CST3: variants seen among roughly 807,000 people sequenced by gnomAD.
CST3 encodes cystatin C, also known as cystatin-C.
CST3 carries 14 observed loss-of-function variants against 9.0 expected under a neutral mutation model. That is an observed-to-expected ratio of 1.56 (90% CI 1.03 to 2.44). The LOEUF (loss-of-function observed/expected upper bound fraction) is 2.44. Among genes scored for constraint, CST3 ranks in the 30% most tolerant of loss-of-function variants. CST3 has a pLI of 0.00. For synonymous variants in CST3, 96 were observed against 90.2 expected (o/e 1.06, Z -0.37); for missense variants, 237 against 204.3 (o/e 1.16, Z -0.98).
At position 23,633,861 on chromosome 20, in the gene CST3, G is replaced by C. The variant is rs555367302; in HGVS notation, c.*55C>G. On this transcript the variant is annotated 3_prime_UTR_variant, in exon 3 of 3. Transcript: ENST00000376925. ...CACCAGTCCAGGGGTGGGAATACAG[G>C]GGGTGGGAGGTGTGCATAAGAGGTG... is the stretch of plus-strand genomic sequence containing the variant. 1.6e-5 allele frequency: 23 copies of C among 1,443,910 alleles called. No homozygotes were observed. Among genetic ancestry groups the C allele is most frequent in the African/African-American group, 9.8e-5 (7 of 71,424 alleles). 89.4% of individuals were successfully genotyped at this position (1,443,910 alleles called of 1,614,324 possible).
chr20:23,636,022 G>A (rs575583309), intron 1 of CST3, among the ~76,000 whole-genome samples: 1 of 152,270 alleles, frequency 6.6e-6, no homozygotes, highest in East Asian at 1.9e-4. Context: ...ACCTTGCCCT[G>A]TGGAACCACA....
At chr20:23,637,596 G>T (rs1356053691) in intron 1 of CST3, 24 bp downstream of exon 1, 8 of 1,500,130 alleles carry the variant, frequency 5.3e-6, no homozygotes, top group South Asian at 1.3e-5. Flanking sequence ...CGGGGCTTCG[G>T]ACCCTGCGGG....
downstream of CST3, among the ~76,000 whole-genome samples, chr20:23,630,073 G>A (rs1157559938): frequency 6.6e-6 from 1 of 152,210 alleles, no homozygotes; most frequent in African/African-American, 2.4e-5. Flanking sequence ...AGATGTTTTA[G>A]GAGCAACTGG....
chr20:23,636,627 T>C (rs1282910277), intron 1 of CST3, among the ~76,000 whole-genome samples: 1 of 152,030 alleles, frequency 6.6e-6, no homozygotes, highest in Non-Finnish European at 1.5e-5. Context: ...GCGGAGAGTA[T>C]TCTGGGAGGA....
intron 1 of CST3, 150 bp from the exon 2 acceptor site, chr20:23,635,517 C>T (rs528164904): frequency 1.1e-5 from 8 of 711,604 alleles, no homozygotes; most frequent in African/African-American, 3.5e-5. Flanking sequence ...GCAAGGCACA[C>T]AAGCCACCTC....
chr20:23,636,072 T>G (rs1979661897), intron 1 of CST3, among the ~76,000 whole-genome samples: 1 of 152,098 alleles, frequency 6.6e-6, no homozygotes, highest in Non-Finnish European at 1.5e-5. Flanking sequence ...CTGTGATCCC[T>G]CTGGTGTCAG....
At chr20:23,636,900 A>T (rs979267521) in intron 1 of CST3, among the ~76,000 whole-genome samples, 6 of 152,246 alleles carry the variant, frequency 3.9e-5, no homozygotes, top group African/African-American at 1.4e-4. Context: ...TGAATGTGTC[A>T]GTGCTGATTT....
At chr20:23,630,047 A>G (rs934698007), downstream of CST3, among the ~76,000 whole-genome samples, 6 of 152,224 alleles carry the variant, frequency 3.9e-5, no homozygotes, top group Non-Finnish European at 4.4e-5. Context: ...GACTATCTTT[A>G]CCTGCTGCAA....
downstream of CST3, among the ~76,000 whole-genome samples, chr20:23,630,757 C>T (rs1326831348): frequency 6.7e-6 from 1 of 149,268 alleles, no homozygotes; most frequent in African/African-American, 2.5e-5. Flanking sequence ...AAATAATAAA[C>T]CACCAAGGCA....
intron 1 of CST3, among the ~76,000 whole-genome samples, chr20:23,635,669 GTGA>G (rs1203708168): frequency 6.6e-6 from 1 of 152,232 alleles, no homozygotes; most frequent in Non-Finnish European, 1.5e-5. Context: ...AGGTTCTCAT[GTGA>G]TGATGAAATT....
In CST3 at chr20:23,637,844, C is replaced by G; in HGVS notation, c.19G>C (p.Ala7Pro). The G allele has an allele frequency of 7.0e-7, 1 of 1,431,876 alleles. No individual in the cohort carries two copies. The highest frequency in any genetic ancestry group is 1.5e-5 in the South Asian group (1 of 66,060). The allele number at this position is 1,431,876 out of a possible 1,614,324, so 88.7% of individuals were successfully genotyped here. MAGPLR[A>P]PLLLLAILAV... is the part of the protein sequence containing the mutation. ...AGGATGGCCAGCAGGAGCAGCGGGG[C>G]GCGCAGGGGCCCGGCCATGGTCGGC... The change falls in exon 1 of 3, where the codon GCC becomes CCC. Residue 7 changes from alanine (A) to proline (P), a missense_variant. Ala to Pro is a conservative substitution (Grantham distance 27, BLOSUM62 -1). Coordinates refer to ENST00000376925, the MANE Select transcript of CST3 (RefSeq NM_000099.4).
intron 1 of CST3, among the ~76,000 whole-genome samples, chr20:23,636,931 T>C (rs1269313678): frequency 6.6e-6 from 1 of 152,248 alleles, no homozygotes; most frequent in African/African-American, 2.4e-5. Flanking sequence ...ATAGTGATTA[T>C]GTGCGATATT....
At chr20:23,631,617 C>T (rs148658118), downstream of CST3, among the ~76,000 whole-genome samples, 2 of 152,174 alleles carry the variant, frequency 1.3e-5, no homozygotes, top group Non-Finnish European at 2.9e-5. Context: ...GGCTTGCCAT[C>T]GAGGAACACC....
chr20:23,631,494 G>A (rs554178979), downstream of CST3, among the ~76,000 whole-genome samples: 3 of 152,324 alleles, frequency 2.0e-5, no homozygotes, highest in African/African-American at 7.2e-5. Context: ...CAGCCACGCA[G>A]GACACGGCTT....
rs1285901645 is a variant in CST3, at chr20:23,637,880, G to A, written c.-18C>T. The A allele has an allele frequency of 4.3e-6, 6 of 1,387,056 alleles. No homozygotes were observed. Among genetic ancestry groups the A allele is most frequent in the Non-Finnish European group, 5.6e-6 (6 of 1,080,366 alleles). 85.9% of individuals were successfully genotyped at this position (1,387,056 alleles called of 1,614,324 possible). A position where few individuals can be genotyped will look rare whatever the true frequency, so the allele number is the denominator to read the frequency against. On this transcript the variant is annotated 5_prime_UTR_variant, in exon 1 of 3. Transcript: ENST00000376925. ...CCGGCCATGGTCGGCTAGGACGCGGGACGCGGGGAGTGGGGCGCAGGCGAG... is the reference window on the plus strand; with the variant it reads ...CCGGCCATGGTCGGCTAGGACGCGGAACGCGGGGAGTGGGGCGCAGGCGAG...
rs746101235 is a variant in CST3, at chr20:23,635,317, C to T, written c.294G>A (p.Thr98=). 4.3e-6 allele frequency: 7 copies of T among 1,613,880 alleles called. No homozygotes were observed. In the East Asian group the frequency reaches 6.7e-5, roughly 15 times the overall value. The change falls in exon 2 of 3, where the codon ACG becomes ACA. Residue 98 remains threonine (T), a synonymous_variant. Coordinates refer to ENST00000376925, the MANE Select transcript of CST3 (RefSeq NM_000099.4). ...CCAAGTTGGGCTGGGTCTTGGTACA[C>T]GTGGTTCGGCCCAGCTCCACGTCCA... ...YFLDVELGRT[T]CTKTQPNLDN...
chr20:23,634,988 A>T (rs534708598), intron 2 of CST3, among the ~76,000 whole-genome samples: 1 of 151,956 alleles, frequency 6.6e-6, no homozygotes, highest in East Asian at 1.9e-4. Context: ...CCCCACACAT[A>T]TGTGCACACA....
At chr20:23,635,217 G>A (rs763651678) in intron 2 of CST3, 37 bp downstream of exon 2, 14 of 1,532,986 alleles carry the variant, frequency 9.1e-6, no homozygotes, top group Non-Finnish European at 1.3e-5. Flanking sequence ...CCCCTCTGCA[G>A]TGTATGACTG....
intron 1 of CST3, among the ~76,000 whole-genome samples, chr20:23,636,049 G>C (rs2122477366): frequency 6.6e-6 from 1 of 152,120 alleles, no homozygotes; most frequent in East Asian, 1.9e-4. Context: ...TCCTGTAGAA[G>C]CACAAGCAAG....
Sources: gnomAD v4.1 joint callset for allele counts (sites outside exome capture counted in the v4.1 genomes callset) on GRCh38, gnomAD v4.1.1 for gene constraint, MANE v1.5 for transcripts, NCBI Gene and HGNC (gene_info 2026-07-23, HGNC 2026-07-21) for gene names.